Variants in MARCHF7 observed in about 807,000 individuals in gnomAD.
MARCHF7 encodes membrane associated ring-CH-type finger 7, also known as E3 ubiquitin-protein ligase MARCHF7.
In MARCHF7, 20 loss-of-function variants were observed where a neutral mutation model predicts 76.5. The ratio of observed to expected loss-of-function variants is 0.26; its 90% CI spans 0.18 to 0.38. MARCHF7 has a LOEUF of 0.38. Among genes scored for constraint, MARCHF7 ranks in the 10% least tolerant of loss-of-function variants. The pLI is 1.00. For missense variants in MARCHF7, 797 were observed against 812.9 expected (o/e 0.98, Z 0.24); for synonymous variants, 295 against 293.0 (o/e 1.01, Z -0.07).
At chr2:159,744,376 G>A (rs1293988893) in intron 5 of MARCHF7, among the ~76,000 whole-genome samples, 1 of 152,128 alleles carries the variant, frequency 6.6e-6, no homozygotes, top group Non-Finnish European at 1.5e-5. Flanking sequence ...TAACCACTCT[G>A]GGATTTGGAT....
At chr2:159,743,329 A>C (rs1704375159) in intron 5 of MARCHF7, 76 bp downstream of exon 5, 1 of 1,358,888 alleles carries the variant, frequency 7.4e-7, no homozygotes. Context: ...TTTTGGAATG[A>C]GGCAAGTAGA....
rs770901316 is a variant in MARCHF7 at position 159,762,866 on chromosome 2, C to T, written c.1894-14C>T. 1.2e-5 allele frequency: 19 copies of T among 1,546,566 alleles called. No individual in the cohort carries two copies. Among genetic ancestry groups the T allele is most frequent in the Admixed American group, 1.9e-5 (1 of 53,964 alleles). ...CTGTATTTTTCTTTTCTCCTGTTTG[C>T]TTCCCTGTTGAAGGCTGAGTATGAG... is the stretch of plus-strand genomic sequence containing the variant. On this transcript the variant is annotated splice_polypyrimidine_tract_variant and intron_variant, in intron 9 of 11. Coordinates refer to ENST00000409175, the MANE Select transcript of MARCHF7 (RefSeq NM_001282805.2).
At chr2:159,742,746 G>GACCA (rs1704291519) in intron 4 of MARCHF7, among the ~76,000 whole-genome samples, 1 of 151,668 alleles carries the variant, frequency 6.6e-6, no homozygotes, top group South Asian at 2.1e-4. Flanking sequence ...AGACCAGCCT[G>GACCA]ACCAACATGG....
rs1213873293 is a variant in MARCHF7 at position 159,770,896 on chromosome 2, T to A, written c.*3554T>A. The A allele has an allele frequency of 6.6e-6, 1 of 152,176 alleles. No homozygotes were observed. Among genetic ancestry groups the A allele is most frequent in the Admixed American group, 6.5e-5 (1 of 15,280 alleles). 9.4% of individuals were successfully genotyped at this position (152,176 alleles called of 1,614,324 possible). ...ACGTGAAATTTATACATTCTTTATC[T>A]TTCCTGTTTTTGGTTTATTGATGGT... is the stretch of plus-strand genomic sequence containing the variant. On this transcript the variant is annotated 3_prime_UTR_variant, in exon 12 of 12. Transcript: ENST00000409175.
intron 3 of MARCHF7, among the ~76,000 whole-genome samples, chr2:159,721,775 C>T (rs758662495): frequency 5.9e-5 from 9 of 152,152 alleles, no homozygotes; most frequent in Non-Finnish European, 1.0e-4. Flanking sequence ...ACTGGGACTT[C>T]AGTGAGGCAT....
At chr2:159,719,887 T>G (rs185658610) in intron 3 of MARCHF7, among the ~76,000 whole-genome samples, 2 of 152,300 alleles carry the variant, frequency 1.3e-5, no homozygotes, top group East Asian at 3.9e-4. Context: ...ATTAGTATGG[T>G]GGGTTGACTT....
At chr2:159,724,609 A>G (rs753358393) in intron 3 of MARCHF7, among the ~76,000 whole-genome samples, 1 of 152,196 alleles carries the variant, frequency 6.6e-6, no homozygotes, top group Non-Finnish European at 1.5e-5. Context: ...TTTAACAAGT[A>G]TATGGCATTT....
At position 159,770,008 on chromosome 2, in the gene MARCHF7, G is replaced by A. The variant is rs1708084245; in HGVS notation, c.*2666G>A. On this transcript the variant is annotated 3_prime_UTR_variant, in exon 12 of 12. Transcript: ENST00000409175. ...TGTGGCTAGTGGCTCATTGGACATTGTAGTTGTAGACGTTTGAGACTGTTG... is the reference window on the plus strand; with the variant it reads ...TGTGGCTAGTGGCTCATTGGACATTATAGTTGTAGACGTTTGAGACTGTTG... 6.6e-6 allele frequency: 1 copy of A among 152,186 alleles called. No homozygotes were observed. Among genetic ancestry groups the A allele is most frequent in the African/African-American group, 2.4e-5 (1 of 41,450 alleles). 9.4% of individuals were successfully genotyped at this position (152,186 alleles called of 1,614,324 possible).
At chr2:159,729,243 G>C in intron 4 of MARCHF7, 68 bp downstream of exon 4, 1 of 1,151,754 alleles carries the variant, frequency 8.7e-7, no homozygotes, top group African/African-American at 1.6e-5. Context: ...TCTTTTGGGG[G>C]TATTTAAAAA....
rs149944124 is a variant in MARCHF7, at chr2:159,745,467, C to T, written c.347-303C>T. On this transcript the variant is annotated intron_variant, in intron 5 of 11. Transcript: ENST00000409175. ...GTCAGGAGTTTGAGACCAGCCTGGC[C>T]GACAGGGTGAAACCCCATCTTCACT... Among the ~76,000 whole-genome samples the T allele has an allele frequency of 4.2e-3, 642 of 152,124 alleles. 6 individuals carry two copies. Among genetic ancestry groups the T allele is most frequent in the East Asian group, 0.04 (205 of 5,170 alleles).
intron 11 of MARCHF7, 27 bp from the exon 12 acceptor site, chr2:159,767,257 C>T: frequency 6.4e-7 from 1 of 1,569,504 alleles, no homozygotes; most frequent in Non-Finnish European, 8.8e-7. Flanking sequence ...TAAAATCATT[C>T]TTGATCATCC....
chr2:159,742,801 G>T (rs759606530), intron 4 of MARCHF7, among the ~76,000 whole-genome samples: 2 of 152,132 alleles, frequency 1.3e-5, no homozygotes, highest in African/African-American at 2.4e-5. Context: ...GCCGGGCGTG[G>T]TGGCACACAC....
At chr2:159,735,983 CTG>C (rs1703407656) in intron 4 of MARCHF7, among the ~76,000 whole-genome samples, 1 of 152,100 alleles carries the variant, frequency 6.6e-6, no homozygotes, top group Admixed American at 6.6e-5. Context: ...CAAAACTAAC[CTG>C]ATATGGTGGT....
intron 4 of MARCHF7, among the ~76,000 whole-genome samples, chr2:159,731,615 G>C (rs761783473): frequency 2.0e-5 from 3 of 151,874 alleles, no homozygotes; most frequent in African/African-American, 7.3e-5. Flanking sequence ...TTAGCTGGGC[G>C]TGGTGGCGCA....
chr2:159,728,278 TAATA>T (rs1419530706), intron 3 of MARCHF7, among the ~76,000 whole-genome samples: 1 of 152,226 alleles, frequency 6.6e-6, no homozygotes, highest in Non-Finnish European at 1.5e-5. Flanking sequence ...ATATAATACT[TAATA>T]AATATCAGCT....
At chr2:159,725,319 A>T (rs912836514) in intron 3 of MARCHF7, among the ~76,000 whole-genome samples, 3 of 152,084 alleles carry the variant, frequency 2.0e-5, no homozygotes, top group South Asian at 2.1e-4. Context: ...AGTGTTCCTA[A>T]TTCTCCACAT....
intron 4 of MARCHF7, among the ~76,000 whole-genome samples, chr2:159,730,347 A>C (rs540060175): frequency 1.3e-5 from 2 of 152,246 alleles, no homozygotes; most frequent in Non-Finnish European, 2.9e-5. Flanking sequence ...CTTTGTGTTA[A>C]GTATTTATAT....
intron 10 of MARCHF7, among the ~76,000 whole-genome samples, chr2:159,764,212 T>TGTGTGTGTGTG (rs1413522143): frequency 7.2e-6 from 1 of 138,566 alleles, no homozygotes; most frequent in South Asian, 2.4e-4. Flanking sequence ...CTTGGGAGTT[T>TGTGTGTGTGTG]TGTGTGTGTG....
At position 159,759,331 on chromosome 2, in the gene MARCHF7, A is replaced by T. The variant is rs1269306717; in HGVS notation, c.1889A>T (p.Glu630Val). The T allele has an allele frequency of 1.3e-6, 2 of 1,578,420 alleles. No homozygotes were observed. Among genetic ancestry groups the T allele is most frequent in the Non-Finnish European group, 1.7e-6 (2 of 1,151,308 alleles). ...IHELHRAHAN[E>V]QAEYEFISSG... is the part of the protein sequence containing the mutation. ...GAACTACATAGAGCTCATGCAAATG[A>T]ACAAGTTAGTATATTTTGCCTAATT... The change falls in exon 9 of 12, where the codon GAA becomes GTA. Residue 630 changes from glutamate to valine, a missense_variant. Physicochemically the swap from Glu to Val is moderately radical, Grantham distance 121. Transcript: ENST00000409175.
Sources: gnomAD v4.1 joint callset for allele counts (sites outside exome capture counted in the v4.1 genomes callset) on GRCh38, gnomAD v4.1.1 for gene constraint, MANE v1.5 for transcripts, NCBI Gene and HGNC (gene_info 2026-07-23, HGNC 2026-07-21) for gene names.